The following IL1RAPL2 variants were observed in gnomAD, a reference collection of about 807,000 sequenced individuals.
IL1RAPL2 encodes interleukin 1 receptor accessory protein like 2.
IL1RAPL2 carries 3 observed loss-of-function variants against 44.1 expected under a neutral mutation model. The observed-to-expected ratio is 0.07, with a 90% CI of 0.03 to 0.18. The LOEUF (loss-of-function observed/expected upper bound fraction) is 0.18, where lower values mean the gene tolerates loss of function less well. IL1RAPL2 is among the 10% of genes least tolerant of loss of function. The pLI, the probability that IL1RAPL2 is intolerant of heterozygous loss-of-function variation, is 1.00. For missense variants in IL1RAPL2, 391 were observed against 496.4 expected, an observed-to-expected ratio of 0.79 and a Z score of 2.02; for synonymous variants, 181 against 178.8, an observed-to-expected ratio of 1.01 and a Z score of -0.10.
chrX:104,878,382 G>A (rs1028257230), intron 2 of IL1RAPL2, among the ~76,000 whole-genome samples: 1 of 111,913 alleles, frequency 8.9e-6, no homozygotes, highest in African/African-American at 3.2e-5. Flanking sequence ...ATTACTGTCT[G>A]TTTTAATCCT....
At chrX:104,633,513 T>G (rs1929707985) in intron 1 of IL1RAPL2, among the ~76,000 whole-genome samples, 1 of 111,842 alleles carries the variant, frequency 8.9e-6, no homozygotes, top group Non-Finnish European at 1.9e-5. Context: ...TTGCCTCAAT[T>G]TCAGAGCCTG....
intron 2 of IL1RAPL2, among the ~76,000 whole-genome samples, chrX:104,775,801 C>T (rs1454800138): frequency 1.8e-5 from 2 of 110,076 alleles, no homozygotes; most frequent in African/African-American, 6.6e-5. Flanking sequence ...GTTTAAACAG[C>T]TCATATAGTT....
intron 2 of IL1RAPL2, among the ~76,000 whole-genome samples, chrX:105,078,054 A>C (rs1271677324): frequency 8.9e-6 from 1 of 112,011 alleles, no homozygotes; most frequent in Non-Finnish European, 1.9e-5. Context: ...TTCTCCGTCC[A>C]GCTTTGTTCC....
intron 1 of IL1RAPL2, among the ~76,000 whole-genome samples, chrX:104,591,069 G>A (rs1409071039): frequency 1.8e-5 from 2 of 111,691 alleles, no homozygotes; most frequent in Non-Finnish European, 3.8e-5. Flanking sequence ...AGGAAAATAA[G>A]TATATTCTTC....
intron 4 of IL1RAPL2, among the ~76,000 whole-genome samples, chrX:105,238,739 T>C (rs2034143305): frequency 9.1e-6 from 1 of 110,443 alleles, no homozygotes; most frequent in Non-Finnish European, 1.9e-5. Context: ...GTTTAAAAAT[T>C]CCCCCCTTTT....
chrX:105,191,274 G>A (rs1556136967), intron 2 of IL1RAPL2, among the ~76,000 whole-genome samples: 1 of 112,752 alleles, frequency 8.9e-6, no homozygotes, highest in Admixed American at 9.3e-5. Context: ...GGAGTGCAAT[G>A]GCACGATCTC....
chrX:105,066,979 T>G, intron 2 of IL1RAPL2, among the ~76,000 whole-genome samples: 1 of 111,616 alleles, frequency 9.0e-6, no homozygotes, highest in Non-Finnish European at 1.9e-5. Context: ...GCAGATTGGT[T>G]GGAACTGGTG....
chrX:104,833,677 G>A (rs1921668549), intron 2 of IL1RAPL2, among the ~76,000 whole-genome samples: 1 of 111,011 alleles, frequency 9.0e-6, no homozygotes, highest in South Asian at 3.8e-4. Context: ...AATTGGTTGA[G>A]GACAATTCAG....
At chrX:105,544,448 G>C (rs1308331858) in intron 6 of IL1RAPL2, among the ~76,000 whole-genome samples, 1 of 107,985 alleles carries the variant, frequency 9.3e-6, no homozygotes, top group Non-Finnish European at 1.9e-5. Context: ...TATTGCCTTA[G>C]CTAGGATCTC....
At chrX:105,686,709 T>A (rs992816929) in intron 6 of IL1RAPL2, among the ~76,000 whole-genome samples, 1 of 111,617 alleles carries the variant, frequency 9.0e-6, no homozygotes, top group Non-Finnish European at 1.9e-5. Context: ...AACTCAGCTC[T>A]GCAACAAGCA....
intron 2 of IL1RAPL2, among the ~76,000 whole-genome samples, chrX:104,834,854 A>G (rs1921699553): frequency 9.0e-6 from 1 of 111,502 alleles, no homozygotes; most frequent in South Asian, 3.8e-4. Context: ...AAGAAAAAGC[A>G]AGCTGCTTCT....
At chrX:104,636,604 C>T (rs1434611809) in intron 1 of IL1RAPL2, among the ~76,000 whole-genome samples, 1 of 111,959 alleles carries the variant, frequency 8.9e-6, no homozygotes, top group African/African-American at 3.2e-5. Context: ...GGTGTTCTAG[C>T]AGTGAGTGAG....
chrX:104,921,127 C>T (rs1924626180), intron 2 of IL1RAPL2, among the ~76,000 whole-genome samples: 2 of 111,891 alleles, frequency 1.8e-5, no homozygotes, highest in South Asian at 7.6e-4. Flanking sequence ...GACCTTTGGA[C>T]TGGCAGAGGG....
intron 5 of IL1RAPL2, among the ~76,000 whole-genome samples, chrX:105,359,829 AT>A (rs2035234815): frequency 9.0e-6 from 1 of 110,820 alleles, no homozygotes; most frequent in Admixed American, 9.7e-5. Context: ...ACTATGTTAA[AT>A]TTACTCACTC....
chrX:104,887,740 C>T (rs756538174), intron 2 of IL1RAPL2, among the ~76,000 whole-genome samples: 1 of 111,497 alleles, frequency 9.0e-6, no homozygotes, highest in Non-Finnish European at 1.9e-5. Context: ...ACTTATGCTG[C>T]CCAAAATGAT....
At chrX:104,919,376 C>G (rs1213415152) in intron 2 of IL1RAPL2, among the ~76,000 whole-genome samples, 1 of 108,483 alleles carries the variant, frequency 9.2e-6, no homozygotes, top group Non-Finnish European at 1.9e-5. Context: ...CAGGCATGTG[C>G]GACCACACCT....
At chrX:104,930,136 C>A (rs1041387771) in intron 2 of IL1RAPL2, among the ~76,000 whole-genome samples, 2 of 111,970 alleles carry the variant, frequency 1.8e-5, no homozygotes, top group Admixed American at 9.5e-5. Flanking sequence ...GAGTTTGGGG[C>A]AATCTCTGTA....
intron 2 of IL1RAPL2, among the ~76,000 whole-genome samples, chrX:104,866,778 G>C (rs1037899975): frequency 1.8e-5 from 2 of 111,656 alleles, no homozygotes; most frequent in Non-Finnish European, 1.9e-5. Flanking sequence ...CTCATAGCAA[G>C]CATTGTTAGG....
rs1322305835 is a variant in IL1RAPL2 at position 104,905,784 on chromosome X, T to C, written c.82+246789T>C. On this transcript the variant is annotated intron_variant, in intron 2 of 10. Transcript: ENST00000372582. ...TTGGCTTAGGATTGACTTGGCGATC[T>C]GGGCTCTTTTTTGGTTCCCTATGAA... Among the ~76,000 whole-genome samples, 20 of 111,368 alleles carry C rather than the reference T, an allele frequency of 1.8e-4. No individual in the cohort carries two copies. In the East Asian group the frequency reaches 3.4e-3, roughly 19 times the overall value.
Sources: gnomAD v4.1 joint callset for allele counts (sites outside exome capture counted in the v4.1 genomes callset) on GRCh38, gnomAD v4.1.1 for gene constraint, MANE v1.5 for transcripts, NCBI Gene and HGNC (gene_info 2026-07-23, HGNC 2026-07-21) for gene names.